The following SLC1A2 variants were observed in gnomAD, a reference collection of about 807,000 sequenced individuals.
SLC1A2 encodes the protein excitatory amino acid transporter 2.
SLC1A2 carries 15 observed loss-of-function variants against 48.8 expected under a neutral mutation model. That is an observed-to-expected ratio of 0.31 (90% CI 0.21 to 0.47). SLC1A2 has a LOEUF of 0.47. Among genes scored for constraint, SLC1A2 ranks in the 20% least tolerant of loss-of-function variants. SLC1A2 has a pLI of 0.99. For missense variants in SLC1A2, 502 were observed against 730.5 expected, an observed-to-expected ratio of 0.69 and a Z score of 3.61; for synonymous variants, 279 against 272.6, an observed-to-expected ratio of 1.02 and a Z score of -0.23.
chr11:35,402,584 TGAG>T (rs1292192902), intron 1 of SLC1A2, among the ~76,000 whole-genome samples: 1 of 152,194 alleles, frequency 6.6e-6, no homozygotes, highest in Non-Finnish European at 1.5e-5. Flanking sequence ...TTATTGAACT[TGAG>T]GAGGGTGTTG....
intron 1 of SLC1A2, among the ~76,000 whole-genome samples, chr11:35,367,932 A>C (rs1012514221): frequency 6.6e-6 from 1 of 152,112 alleles, no homozygotes; most frequent in African/African-American, 2.4e-5. Context: ...ACATAAAACC[A>C]TTTTTTACTG....
intron 1 of SLC1A2, among the ~76,000 whole-genome samples, chr11:35,331,780 A>G (rs950853150): frequency 1.3e-5 from 2 of 152,272 alleles, no homozygotes; most frequent in South Asian, 2.1e-4. Flanking sequence ...TCTTCGAATA[A>G]TCTTTTCCTG....
intron 1 of SLC1A2, among the ~76,000 whole-genome samples, chr11:35,349,189 C>T (rs937277255): frequency 6.6e-6 from 1 of 152,002 alleles, no homozygotes; most frequent in Non-Finnish European, 1.5e-5. Flanking sequence ...CGGGCAGGGG[C>T]GCGGGAAGCC....
chr11:35,299,458 C>A (rs2421765), intron 6 of SLC1A2: 84,864 of 151,482 alleles, frequency 0.56, 25,738 homozygotes, highest in East Asian at 0.74. Flanking sequence ...AGAAATCTAG[C>A]ATTGCCTGAG....
At chr11:35,283,482 C>T (rs1198261156) in intron 8 of SLC1A2, among the ~76,000 whole-genome samples, 1 of 152,084 alleles carries the variant, frequency 6.6e-6, no homozygotes, top group East Asian at 1.9e-4. Context: ...TGCATATGGT[C>T]AAACTCATCT....
chr11:35,399,716 A>G (rs1439560414), intron 1 of SLC1A2: 1 of 465,364 alleles, frequency 2.1e-6, no homozygotes, highest in African/African-American at 2.1e-5. Context: ...AGCCCTGAAT[A>G]AAGTCGGGAG....
At position 35,253,575 on chromosome 11, in the gene SLC1A2, C is replaced by T. The variant is rs1950272000; in HGVS notation, c.*7319G>A. 6.6e-6 allele frequency: 1 copy of T among 152,598 alleles called. No individual in the cohort carries two copies. The highest frequency in any genetic ancestry group is 2.4e-5 in the African/African-American group (1 of 41,430). The allele number at this position is 152,598 out of a possible 1,614,324, so 9.5% of individuals were successfully genotyped here. ...AACATTTAAAAAATCAGCACCATTC[C>T]TTGAGTTAGAAAGATGAATTATTTA... On this transcript the variant is annotated 3_prime_UTR_variant, in exon 11 of 11. Coordinates refer to ENST00000278379, the MANE Select transcript of SLC1A2 (RefSeq NM_004171.4).
chr11:35,353,661 A>G (rs1039541001), intron 1 of SLC1A2, among the ~76,000 whole-genome samples: 6 of 152,234 alleles, frequency 3.9e-5, no homozygotes, highest in Non-Finnish European at 8.8e-5. Context: ...ATCCTTGGCA[A>G]ATATCCCTAA....
At chr11:35,414,318 T>C (rs1855547683) in intron 1 of SLC1A2, among the ~76,000 whole-genome samples, 1 of 152,234 alleles carries the variant, frequency 6.6e-6, no homozygotes, top group Admixed American at 6.5e-5. Context: ...TCTCCTTTAA[T>C]ACTGCGGGCC....
chr11:35,344,420 A>C (rs528499934), intron 1 of SLC1A2, among the ~76,000 whole-genome samples: 1 of 152,214 alleles, frequency 6.6e-6, no homozygotes, highest in Non-Finnish European at 1.5e-5. Context: ...AGGCAGAAGC[A>C]AGCTTGGTAT....
rs932437874 is a variant in SLC1A2, at chr11:35,257,251, C to T, written c.*3643G>A. ...TGGCATCACCTAGCAGGAATCTCCC[C>T]ATGACTTGAATTTTCCCTAAGCCTT... is the stretch of plus-strand genomic sequence containing the variant. On this transcript the variant is annotated 3_prime_UTR_variant, in exon 11 of 11. Transcript: ENST00000278379. 2.6e-5 allele frequency: 4 copies of T among 152,178 alleles called. No individual in the cohort carries two copies. Among genetic ancestry groups the T allele is most frequent in the African/African-American group, 9.7e-5 (4 of 41,450 alleles). 9.4% of individuals were successfully genotyped at this position (152,178 alleles called of 1,614,324 possible).
chr11:35,308,263 G>C (rs183105342), intron 4 of SLC1A2, among the ~76,000 whole-genome samples: 1 of 152,158 alleles, frequency 6.6e-6, no homozygotes, highest in Non-Finnish European at 1.5e-5. Flanking sequence ...AGCAGGATTC[G>C]AGATGAGTTA....
At chr11:35,389,245 C>CA (rs745779988) in intron 1 of SLC1A2, among the ~76,000 whole-genome samples, 3 of 151,898 alleles carry the variant, frequency 2.0e-5, no homozygotes, top group Admixed American at 6.6e-5. Flanking sequence ...ATATTCCAAG[C>CA]AAAAAAATGA....
At chr11:35,279,692 C>T (rs1324444778) in intron 9 of SLC1A2, among the ~76,000 whole-genome samples, 1 of 152,208 alleles carries the variant, frequency 6.6e-6, no homozygotes, top group Non-Finnish European at 1.5e-5. Flanking sequence ...GCAGCCTGAC[C>T]TAGGGTCGAA....
At chr11:35,362,929 C>G (rs1304650381) in intron 1 of SLC1A2, among the ~76,000 whole-genome samples, 1 of 152,206 alleles carries the variant, frequency 6.6e-6, no homozygotes, top group African/African-American at 2.4e-5. Flanking sequence ...GTGCCAGCCA[C>G]ATTCTAAATG....
At chr11:35,347,039 C>A (rs1471061211) in intron 1 of SLC1A2, among the ~76,000 whole-genome samples, 7 of 152,160 alleles carry the variant, frequency 4.6e-5, no homozygotes, top group Non-Finnish European at 1.0e-4. Flanking sequence ...TCTGAAGATA[C>A]AGATTTGACA....
At chr11:35,287,900 C>T (rs961709025) in intron 7 of SLC1A2, among the ~76,000 whole-genome samples, 4 of 152,170 alleles carry the variant, frequency 2.6e-5, no homozygotes, top group African/African-American at 4.8e-5. Flanking sequence ...GCTTCATGGT[C>T]CATCCTCTTG....
intron 9 of SLC1A2, among the ~76,000 whole-genome samples, chr11:35,269,704 T>C (rs1850222399): frequency 1.3e-5 from 2 of 152,182 alleles, no homozygotes. Flanking sequence ...ATTTTTTCTT[T>C]TTACCACCAC....
intron 1 of SLC1A2, among the ~76,000 whole-genome samples, chr11:35,359,733 C>T (rs1853608040): frequency 1.3e-5 from 2 of 152,360 alleles, no homozygotes; most frequent in African/African-American, 4.8e-5. Flanking sequence ...GCATTTTATT[C>T]AGCATCCTAA....
Sources: allele counts gnomAD v4.1 joint callset (sites outside exome capture counted in the v4.1 genomes callset), GRCh38; gene constraint gnomAD v4.1.1; transcripts MANE v1.5; gene names NCBI Gene and HGNC (gene_info 2026-07-23, HGNC 2026-07-21).